The following TMC2 variants were observed in gnomAD, a reference collection of about 807,000 sequenced individuals.
The protein encoded by TMC2 is transmembrane channel-like protein 2.
Under a neutral mutation model 105.9 loss-of-function variants are expected in TMC2, and 102 were observed. That is an observed-to-expected ratio of 0.96 (90% CI 0.82 to 1.14). TMC2 has a LOEUF of 1.14. Ranked by LOEUF, TMC2 falls within the 50% of genes most tolerant of loss-of-function variation. The probability of loss-of-function intolerance (pLI) is 0.00; values close to 1 mark genes in which losing one functional copy is unlikely to be tolerated. For synonymous variants in TMC2, 402 were observed against 422.8 expected (o/e 0.95, Z 0.60); for missense variants, 1,093 against 1,134.3 (o/e 0.96, Z 0.52).
At chr20:2,594,333 T>G (rs1374423859) in intron 8 of TMC2, among the ~76,000 whole-genome samples, 1 of 150,320 alleles carries the variant, frequency 6.7e-6, no homozygotes, top group Non-Finnish European at 1.5e-5. Flanking sequence ...GTTCAAGTGA[T>G]TCTCCTGCCT....
intron 4 of TMC2, among the ~76,000 whole-genome samples, chr20:2,565,545 G>A (rs576759365): frequency 1.1e-4 from 17 of 152,242 alleles, no homozygotes; most frequent in Admixed American, 6.5e-4. Flanking sequence ...ATTTGTAATC[G>A]TCTCTCCAGA....
chr20:2,542,816 C>T (rs917148860), intron 2 of TMC2, among the ~76,000 whole-genome samples: 9 of 151,556 alleles, frequency 5.9e-5, no homozygotes, highest in South Asian at 2.1e-4. Context: ...CTCAGCCTCC[C>T]GAGTAGCTGG....
chr20:2,590,883 A>C (rs2086263661), intron 7 of TMC2, among the ~76,000 whole-genome samples: 1 of 152,138 alleles, frequency 6.6e-6, no homozygotes, highest in Admixed American at 6.5e-5. Context: ...ATAGAATTTA[A>C]AATTTTGACA....
intron 17 of TMC2, among the ~76,000 whole-genome samples, chr20:2,634,341 G>A (rs2086626661): frequency 1.3e-5 from 2 of 152,224 alleles, no homozygotes; most frequent in Admixed American, 6.5e-5. Context: ...CCCTAAGGGG[G>A]CCAGAGTGAA....
chr20:2,610,471 C>T lies in TMC2; in HGVS notation c.1466C>T (p.Thr489Ile), dbSNP rs1376980849. Residue 489 changes from threonine (T) to isoleucine (I), a missense_variant, in exon 12 of 20, where the codon ACC (threonine) becomes ATC (isoleucine). By Grantham distance (89) the Thr-to-Ile change is moderately conservative (BLOSUM62 -1). Coordinates refer to ENST00000358864, the MANE Select transcript of TMC2 (RefSeq NM_080751.3). The stretch of plus-strand genomic sequence containing the variant: ...ATGTTTTGTCCCCCTCTGTTTGAAA[C>T]CATCGCTGCCCTGGAGAATTACCAC... ...LGMFCPPLFETIAALENYHPR... is the reference protein window; with the variant it reads ...LGMFCPPLFEIIAALENYHPR... 1 of 1,613,554 alleles carries T rather than the reference C, an allele frequency of 6.2e-7. No individual in the cohort carries two copies.
At position 2,592,529 on chromosome 20, in the gene TMC2, C is replaced by T. The variant is rs2086276908; in HGVS notation, c.933+121C>T. 2.8e-6 allele frequency: 2 copies of T among 724,828 alleles called. No individual in the cohort carries two copies. The highest frequency in any genetic ancestry group is 3.5e-5 in the African/African-American group (2 of 57,486). 44.9% of individuals were successfully genotyped at this position (724,828 alleles called of 1,614,324 possible). A position where few individuals can be genotyped will look rare whatever the true frequency, so the allele number is the denominator to read the frequency against. ...AACCATTGCTTTAATAGGATCCCAGCACTAAGCTAAATGAGCTTGCAAACC... is the reference window on the plus strand; with the variant it reads ...AACCATTGCTTTAATAGGATCCCAGTACTAAGCTAAATGAGCTTGCAAACC... On this transcript the variant is annotated intron_variant, in intron 8 of 19. Transcript: ENST00000358864. This position sits in a 1 kb window ranked among gnomAD's most constrained non-coding sequence, Gnocchi z 4.9.
rs900125867 is a variant in TMC2, at chr20:2,640,835, C to T, written c.2504-299C>T. 2.9e-4 allele frequency among the ~76,000 whole-genome samples: 44 copies of T among 152,116 alleles called. 1 individual carries two copies. Among genetic ancestry groups the T allele is most frequent in the African/African-American group, 9.7e-4 (40 of 41,402 alleles). ...ACTTTTGACCCCGGCAGTCACCCTG[C>T]GAGGCTGCCGTTATTCTTGTCCCAA... On this transcript the variant is annotated intron_variant, in intron 19 of 19. Transcript: ENST00000358864.
At chr20:2,589,665 T>C (rs1040093571) in intron 7 of TMC2, among the ~76,000 whole-genome samples, 3 of 152,070 alleles carry the variant, frequency 2.0e-5, no homozygotes, top group African/African-American at 7.2e-5. Context: ...CTGGCAGTAC[T>C]GTTTGTTTGT....
chr20:2,557,728 A>G (rs904468708), intron 2 of TMC2, among the ~76,000 whole-genome samples: 4 of 152,070 alleles, frequency 2.6e-5, no homozygotes, highest in Non-Finnish European at 5.9e-5. Flanking sequence ...ATGGGGTTTC[A>G]CCACCTTGGC....
chr20:2,625,511 A>G (rs1173725050), intron 17 of TMC2, among the ~76,000 whole-genome samples: 1 of 152,308 alleles, frequency 6.6e-6, no homozygotes. Flanking sequence ...CTTTTCATGA[A>G]TGACTCACAT....
intron 4 of TMC2, among the ~76,000 whole-genome samples, chr20:2,568,184 C>T (rs1284313850): frequency 6.6e-6 from 1 of 152,166 alleles, no homozygotes; most frequent in Non-Finnish European, 1.5e-5. Context: ...GAAATTCATT[C>T]CAAGACACAT....
In TMC2 at chr20:2,616,291, G is replaced by A. The variant is rs995846878; in HGVS notation, c.1940+87G>A. On this transcript the variant is annotated intron_variant, in intron 15 of 19. Transcript: ENST00000358864. This position sits in a 1 kb window ranked among gnomAD's most constrained non-coding sequence, Gnocchi z 4.8. ...GACTTTGCAACTTAACTAGTTGGAA[G>A]AGGCTAGATAAGTCCTCTTGCCTCT... is the stretch of plus-strand genomic sequence containing the variant. The A allele has an allele frequency of 1.3e-5, 14 of 1,114,428 alleles. No homozygotes were observed. Among genetic ancestry groups the A allele is most frequent in the African/African-American group, 3.1e-5 (2 of 65,016 alleles). 69.0% of individuals were successfully genotyped at this position (1,114,428 alleles called of 1,614,324 possible).
intron 13 of TMC2, among the ~76,000 whole-genome samples, chr20:2,612,851 A>G (rs2086451389): frequency 6.6e-6 from 1 of 152,220 alleles, no homozygotes; most frequent in South Asian, 2.1e-4. Context: ...CCTAGTGATG[A>G]TGACTACGAT....
intron 17 of TMC2, among the ~76,000 whole-genome samples, chr20:2,630,353 T>C (rs140848973): frequency 3.2e-4 from 49 of 152,366 alleles, no homozygotes; most frequent in African/African-American, 9.6e-4. Context: ...TGTTTTTGCT[T>C]CGTATGTTTT....
chr20:2,581,953 C>G (rs970277142), intron 7 of TMC2, among the ~76,000 whole-genome samples: 1 of 151,836 alleles, frequency 6.6e-6, no homozygotes. Flanking sequence ...ATTGGGAAAA[C>G]CATACTGGAG....
rs562767301 is a variant in TMC2, at chr20:2,616,744, T to C, written c.1941-328T>C. On this transcript the variant is annotated intron_variant, in intron 15 of 19. Coordinates refer to ENST00000358864, the MANE Select transcript of TMC2 (RefSeq NM_080751.3). This position sits in a 1 kb window ranked among gnomAD's most constrained non-coding sequence, Gnocchi z 4.8. ...CTCAATTGAAGGACTTCAAATACTCTTCTGAGCAGCAATGCTGTTTTATGG... is the reference window on the plus strand; with the variant it reads ...CTCAATTGAAGGACTTCAAATACTCCTCTGAGCAGCAATGCTGTTTTATGG... Among the ~76,000 whole-genome samples the C allele has an allele frequency of 2.0e-5, 3 of 152,326 alleles. No individual in the cohort carries two copies. The East Asian group carries it at 5.8e-4, about 29-fold the overall frequency.
At chr20:2,606,888 T>C (rs955220492) in intron 11 of TMC2, among the ~76,000 whole-genome samples, 1 of 102,222 alleles carries the variant, frequency 9.8e-6, no homozygotes, top group African/African-American at 5.5e-5. Flanking sequence ...TAATTTCTTT[T>C]TTCTTTTTTT....
intron 11 of TMC2, among the ~76,000 whole-genome samples, chr20:2,608,365 T>C (rs1191241726): frequency 2.0e-5 from 3 of 150,450 alleles, no homozygotes; most frequent in African/African-American, 7.3e-5. Flanking sequence ...TCTTGCTCTG[T>C]CATCCAGGCT....
chr20:2,561,091 G>T (rs2086023012), intron 3 of TMC2, among the ~76,000 whole-genome samples: 1 of 152,230 alleles, frequency 6.6e-6, no homozygotes, highest in African/African-American at 2.4e-5. Context: ...TAATGCCACT[G>T]AGTTGACATA....
Sources: gnomAD v4.1 joint callset for allele counts (sites outside exome capture counted in the v4.1 genomes callset) on GRCh38, gnomAD v4.1.1 for gene constraint, Gnocchi (gnomAD v3.1) non-coding constraint, MANE v1.5 for transcripts, NCBI Gene and HGNC (gene_info 2026-07-23, HGNC 2026-07-21) for gene names.